EFR3B: variants seen among roughly 807,000 people sequenced by gnomAD.
EFR3B encodes the protein protein EFR3 homolog B.
Under a neutral mutation model 104.7 loss-of-function variants are expected in EFR3B, and 64 were observed. The ratio of observed to expected loss-of-function variants is 0.61; its 90% CI spans 0.50 to 0.75. EFR3B has a LOEUF of 0.75. Ranked by LOEUF, EFR3B falls within the 30% of genes least tolerant of loss-of-function variation. The pLI is 0.00. For missense variants in EFR3B, 750 were observed against 1,078.5 expected, an observed-to-expected ratio of 0.70 and a Z score of 4.27; for synonymous variants, 385 against 417.9, an observed-to-expected ratio of 0.92 and a Z score of 0.96.
Position 25,152,003 on chromosome 2 carries a change from G to A in EFR3B, c.2281G>A (p.Ala761Thr). ...GAAGGCACCCTTCGAGGAGATTGCT[G>A]CACACTGCGGGGCCCGGGTAAGTGA... ...FQKAPFEEIA[A>T]HCGARASLLQ... Residue 761 changes from alanine (A) to threonine (T), a missense_variant, in exon 21 of 23, where the codon GCA becomes ACA. Ala to Thr is a moderately conservative substitution (Grantham distance 58, BLOSUM62 0). Coordinates refer to ENST00000403714, the MANE Select transcript of EFR3B (RefSeq NM_014971.2). 1.9e-6 allele frequency: 3 copies of A among 1,551,694 alleles called. No individual in the cohort carries two copies. The highest frequency in any genetic ancestry group is 1.2e-5 in the South Asian group (1 of 84,050).
At chr2:25,135,201 G>T (rs1367557035) in intron 12 of EFR3B, among the ~76,000 whole-genome samples, 1 of 152,156 alleles carries the variant, frequency 6.6e-6, no homozygotes, top group African/African-American at 2.4e-5. Context: ...TCCCTCCAGG[G>T]CTCATCCCTT....
chr2:25,107,376 T>A (rs1669594299), intron 4 of EFR3B, among the ~76,000 whole-genome samples: 1 of 152,110 alleles, frequency 6.6e-6, no homozygotes, highest in African/African-American at 2.4e-5. Flanking sequence ...AGCACAAATC[T>A]CCCCTCTGCA....
chr2:25,120,203 T>C (rs1438161360), intron 4 of EFR3B, among the ~76,000 whole-genome samples: 1 of 150,050 alleles, frequency 6.7e-6, no homozygotes, highest in Admixed American at 6.7e-5. Context: ...AAAAAAAAAT[T>C]AGCTGGGCAT....
At chr2:25,141,649 T>A (rs553623652) in intron 17 of EFR3B, among the ~76,000 whole-genome samples, 8 of 152,236 alleles carry the variant, frequency 5.3e-5, no homozygotes. Flanking sequence ...TGCTGAGCCA[T>A]GTTTGCAGAT....
chr2:25,068,392 C>G (rs1246321804), intron 1 of EFR3B, among the ~76,000 whole-genome samples: 1 of 152,152 alleles, frequency 6.6e-6, no homozygotes, highest in African/African-American at 2.4e-5. Flanking sequence ...CAGACATAGA[C>G]AGCAGGCATC....
intron 1 of EFR3B, among the ~76,000 whole-genome samples, chr2:25,077,330 T>A (rs544898380): frequency 1.2e-4 from 18 of 152,310 alleles, no homozygotes; most frequent in African/African-American, 4.3e-4. Context: ...TGTTGTCGCC[T>A]ATGCTGGAGT....
At chr2:25,095,549 A>C (rs1351042098) in intron 3 of EFR3B, among the ~76,000 whole-genome samples, 1 of 152,114 alleles carries the variant, frequency 6.6e-6, no homozygotes, top group Non-Finnish European at 1.5e-5. Context: ...TACAAAAATT[A>C]GCTGGGTGTG....
chr2:25,101,919 A>C (rs887718734), intron 3 of EFR3B, among the ~76,000 whole-genome samples: 1 of 152,214 alleles, frequency 6.6e-6, no homozygotes, highest in Admixed American at 6.5e-5. Context: ...AAACAAAAAC[A>C]AAAAACAAAA....
At chr2:25,056,969 C>T (rs890584674) in intron 1 of EFR3B, among the ~76,000 whole-genome samples, 1 of 152,130 alleles carries the variant, frequency 6.6e-6, no homozygotes, top group African/African-American at 2.4e-5. Flanking sequence ...TTTCACCATC[C>T]GTAAACTGGG....
rs1671179703 is a variant in EFR3B, at chr2:25,156,703, A to G, written c.*2363A>G. On this transcript the variant is annotated 3_prime_UTR_variant, in exon 23 of 23. Coordinates refer to ENST00000403714, the MANE Select transcript of EFR3B (RefSeq NM_014971.2). ...CTTTATGGCCTCTGGCTTATACTCA[A>G]CCCAATTTTACAAGCATGAACTTAG... The G allele has an allele frequency of 6.6e-6, 1 of 152,104 alleles. No individual in the cohort carries two copies. Among genetic ancestry groups the G allele is most frequent in the African/African-American group, 2.4e-5 (1 of 41,428 alleles). 9.4% of individuals were successfully genotyped at this position (152,104 alleles called of 1,614,324 possible).
chr2:25,068,666 G>T (rs1478494504), intron 1 of EFR3B, among the ~76,000 whole-genome samples: 4 of 142,892 alleles, frequency 2.8e-5, no homozygotes, highest in African/African-American at 1.0e-4. Context: ...TTCTCGCTCT[G>T]TCCCCCAGGC....
At chr2:25,096,156 C>T (rs983623897) in intron 3 of EFR3B, among the ~76,000 whole-genome samples, 6 of 152,266 alleles carry the variant, frequency 3.9e-5, no homozygotes, top group Admixed American at 2.6e-4. Flanking sequence ...GCTGGGACTA[C>T]AGGCACGTGC....
intron 3 of EFR3B, among the ~76,000 whole-genome samples, chr2:25,094,437 G>A (rs1669223767): frequency 6.6e-6 from 1 of 152,146 alleles, no homozygotes; most frequent in Non-Finnish European, 1.5e-5. Flanking sequence ...GACACTAAGA[G>A]GTTTGAGGCA....
rs1034346702 is a variant in EFR3B at position 25,156,290 on chromosome 2, GTTTTTTTTTTT to G, written c.*1965_*1975del. ...TGTGGGCACACAGCTTCTTTTTCTT[GTTTTTTTTTTT>G]TTTTTTTTTTTTTTGAGACACCGTC... On this transcript the variant is annotated 3_prime_UTR_variant, in exon 23 of 23. Transcript: ENST00000403714. 1.1e-4 allele frequency: 8 copies of G among 71,752 alleles called. No homozygotes were observed. The highest frequency in any genetic ancestry group is 5.7e-4 in the South Asian group (1 of 1,750). The allele number at this position is 71,752 out of a possible 1,614,324, so 4.4% of individuals were successfully genotyped here. A position where few individuals can be genotyped will look rare whatever the true frequency, so the allele number is the denominator to read the frequency against.
chr2:25,064,012 C>T (rs570096142), intron 1 of EFR3B, among the ~76,000 whole-genome samples: 2 of 152,328 alleles, frequency 1.3e-5, no homozygotes, highest in South Asian at 4.1e-4. Context: ...CTCTGATTGG[C>T]CTGCTGCTTA....
At chr2:25,135,123 G>T (rs1009275779) in intron 12 of EFR3B, among the ~76,000 whole-genome samples, 1 of 152,146 alleles carries the variant, frequency 6.6e-6, no homozygotes, top group Non-Finnish European at 1.5e-5. Context: ...TTGTGTTCCT[G>T]GTGGCTGTTC....
chr2:25,143,855 G>A lies in EFR3B; in HGVS notation c.2043G>A (p.Gln681=). The change falls in exon 18 of 23, where the codon CAG becomes CAA. Residue 681 remains glutamine (Q), a synonymous_variant. Transcript: ENST00000403714. The part of the protein sequence containing the change: ...SDRLCLPYIP[Q]LTDEDRLSKR... ...GGCTCTGCCTGCCCTACATTCCTCA[G>A]CTGACAGGTATGAGTTCTGTGCAGG... The A allele has an allele frequency of 6.4e-7, 1 of 1,551,558 alleles. No homozygotes were observed. Among genetic ancestry groups the A allele is most frequent in the Non-Finnish European group, 8.7e-7 (1 of 1,146,898 alleles).
intron 4 of EFR3B, among the ~76,000 whole-genome samples, chr2:25,107,979 G>A (rs1452711098): frequency 2.0e-5 from 3 of 151,984 alleles, no homozygotes; most frequent in African/African-American, 7.3e-5. Context: ...GATTACAGGC[G>A]TGCACCACCA....
chr2:25,114,924 G>A lies in EFR3B; in HGVS notation c.364-6749G>A, dbSNP rs986301849. Among the ~76,000 whole-genome samples, 9 of 152,302 alleles carry A rather than the reference G, an allele frequency of 5.9e-5. 1 individual carries two copies. The South Asian group carries it at 1.2e-3, about 21-fold the overall frequency. On this transcript the variant is annotated intron_variant, in intron 4 of 22. Transcript: ENST00000403714. The surrounding 1 kb of genome is among the most constrained non-coding windows in gnomAD (Gnocchi z 4.0). ...TACCTGGCCGGGCGCAGTGGCTGAC[G>A]CCTGTAATCCCAGCACTTTGGGAAG...
Sources: gnomAD v4.1 joint callset for allele counts (sites outside exome capture counted in the v4.1 genomes callset) on GRCh38, gnomAD v4.1.1 for gene constraint, Gnocchi (gnomAD v3.1) non-coding constraint, MANE v1.5 for transcripts, NCBI Gene and HGNC (gene_info 2026-07-23, HGNC 2026-07-21) for gene names.